PPP2R3A: variants seen among roughly 807,000 people sequenced by gnomAD.
The protein encoded by PPP2R3A is serine/threonine-protein phosphatase 2A regulatory subunit B'' subunit alpha.
PPP2R3A carries 80 observed loss-of-function variants against 106.9 expected under a neutral mutation model. The observed-to-expected ratio is 0.75, with a 90% CI of 0.62 to 0.90. The LOEUF is 0.90. PPP2R3A is among the 40% of genes least tolerant of loss of function. PPP2R3A has a pLI of 0.00. For synonymous variants in PPP2R3A, 483 were observed against 468.3 expected (o/e 1.03, Z -0.41); for missense variants, 1,386 against 1,350.4 (o/e 1.03, Z -0.41).
chr3:136,107,233 AT>A (rs142088132), intron 13 of PPP2R3A, among the ~76,000 whole-genome samples: 3,433 of 152,016 alleles, frequency 0.023, 134 homozygotes, highest in African/African-American at 0.078. Flanking sequence ...GCCTCAATTA[AT>A]CTTTCTCATT....
At chr3:136,057,653 G>A (rs1327263269) in intron 5 of PPP2R3A, among the ~76,000 whole-genome samples, 2 of 152,048 alleles carry the variant, frequency 1.3e-5, no homozygotes, top group East Asian at 3.8e-4. Context: ...AATCTGAATA[G>A]ACATTGCATA....
intron 6 of PPP2R3A, among the ~76,000 whole-genome samples, chr3:136,071,936 A>G (rs931792754): frequency 6.6e-6 from 1 of 152,036 alleles, no homozygotes; most frequent in Non-Finnish European, 1.5e-5. Flanking sequence ...TCATCCAGAT[A>G]TCTGCTCGGT....
chr3:136,104,998 C>T (rs991527158), intron 12 of PPP2R3A, among the ~76,000 whole-genome samples: 1 of 151,978 alleles, frequency 6.6e-6, no homozygotes, highest in Non-Finnish European at 1.5e-5. Context: ...CTACAAAGAA[C>T]ATTATTAGTC....
intron 2 of PPP2R3A, among the ~76,000 whole-genome samples, chr3:136,005,335 A>G (rs1576428012): frequency 6.6e-6 from 1 of 152,214 alleles, no homozygotes; most frequent in African/African-American, 2.4e-5. Context: ...ACTTCTAGTC[A>G]TGAGCATTTT....
At chr3:136,045,641 C>G (rs1297010286) in intron 4 of PPP2R3A, among the ~76,000 whole-genome samples, 1 of 152,096 alleles carries the variant, frequency 6.6e-6, no homozygotes, top group Non-Finnish European at 1.5e-5. Context: ...TATCTGCTGG[C>G]CAAAAAAACC....
intron 13 of PPP2R3A, among the ~76,000 whole-genome samples, chr3:136,132,232 T>A (rs1312913886): frequency 6.6e-6 from 1 of 152,038 alleles, no homozygotes; most frequent in Non-Finnish European, 1.5e-5. Flanking sequence ...CCTCACTGTT[T>A]CTACTCAACA....
intron 13 of PPP2R3A, among the ~76,000 whole-genome samples, chr3:136,111,902 G>A (rs1427146624): frequency 6.6e-6 from 1 of 152,038 alleles, no homozygotes; most frequent in Non-Finnish European, 1.5e-5. Context: ...CAACAAAATA[G>A]TAGCAAATTA....
intron 1 of PPP2R3A, among the ~76,000 whole-genome samples, chr3:135,993,333 G>A (rs569637229): frequency 1.9e-4 from 29 of 152,124 alleles, no homozygotes; most frequent in African/African-American, 6.3e-4. Flanking sequence ...TAGTCAGCAG[G>A]GAAATGCAAA....
chr3:136,016,145 T>A (rs1934259828), intron 2 of PPP2R3A, among the ~76,000 whole-genome samples: 1 of 152,082 alleles, frequency 6.6e-6, no homozygotes, highest in Non-Finnish European at 1.5e-5. Flanking sequence ...CCTTTTGGAG[T>A]CGATTTCCAA....
chr3:135,979,545 A>G lies in PPP2R3A; in HGVS notation c.-441+13696A>G, dbSNP rs552592016. ...GTGTGGGAACACGATGTGTCATATG[A>G]TGGGTCCCTTTAACTGAAGTACACA... On this transcript the variant is annotated intron_variant, in intron 1 of 13. Coordinates refer to ENST00000264977, the MANE Select transcript of PPP2R3A (RefSeq NM_002718.5). 3.3e-5 allele frequency among the ~76,000 whole-genome samples: 5 copies of G among 151,910 alleles called. No individual in the cohort carries two copies. In the South Asian group the frequency reaches 8.3e-4, roughly 25 times the overall value.
chr3:135,966,404 G>C (rs1027934956), intron 1 of PPP2R3A, among the ~76,000 whole-genome samples: 10 of 152,148 alleles, frequency 6.6e-5, no homozygotes, highest in Non-Finnish European at 1.2e-4. Context: ...GCCAGGAGCC[G>C]GGGTACCTGA....
At chr3:136,009,440 A>G (rs895075834) in intron 2 of PPP2R3A, among the ~76,000 whole-genome samples, 4 of 152,076 alleles carry the variant, frequency 2.6e-5, no homozygotes, top group East Asian at 1.9e-4. Context: ...ACACTTTTCA[A>G]TATTACTCTT....
At chr3:136,117,336 G>C (rs1937805544) in intron 13 of PPP2R3A, among the ~76,000 whole-genome samples, 1 of 152,070 alleles carries the variant, frequency 6.6e-6, no homozygotes, top group African/African-American at 2.4e-5. Context: ...AACTAGAGAA[G>C]CAAGAGCAAA....
chr3:136,026,691 C>A, intron 2 of PPP2R3A, 141 bp from the exon 3 acceptor site: 1 of 656,904 alleles, frequency 1.5e-6, no homozygotes, highest in Non-Finnish European at 2.4e-6. Flanking sequence ...TCCCTAGAAA[C>A]ATGCTTACCA....
At chr3:136,049,160 G>A (rs182069875) in intron 4 of PPP2R3A, 99 bp from the exon 5 acceptor site, 2 of 802,820 alleles carry the variant, frequency 2.5e-6, no homozygotes, top group Non-Finnish European at 4.1e-6. Flanking sequence ...TTGTTGATCT[G>A]AGTGGCCTTC....
chr3:136,136,045 C>CAAAAAAAAAAAAAAAAAAAAA (rs34558229), intron 13 of PPP2R3A, among the ~76,000 whole-genome samples: 1 of 22,364 alleles, frequency 4.5e-5, no homozygotes, highest in Admixed American at 7.3e-4. Context: ...GACTCCGTCT[C>CAAAAAAAAAAAAAAAAAAAAA]AAAAAAAAAA....
At chr3:136,004,648 T>A (rs2107793353) in intron 2 of PPP2R3A, among the ~76,000 whole-genome samples, 1 of 152,288 alleles carries the variant, frequency 6.6e-6, no homozygotes, top group East Asian at 1.9e-4. Flanking sequence ...AAAATAAGGA[T>A]ATGAATCATT....
chr3:135,966,102 A>G (rs1409808257), intron 1 of PPP2R3A, among the ~76,000 whole-genome samples: 2 of 151,410 alleles, frequency 1.3e-5, no homozygotes, highest in African/African-American at 2.4e-5. Context: ...GGCACCAGGG[A>G]GGTGTGGAAA....
chr3:136,098,746 C>G (rs148277800), intron 10 of PPP2R3A, among the ~76,000 whole-genome samples: 187 of 152,210 alleles, frequency 1.2e-3, no homozygotes, highest in African/African-American at 4.2e-3. Flanking sequence ...AGGGAAAAAC[C>G]AAGAAGCAAC....
Sources: allele counts gnomAD v4.1 joint callset (sites outside exome capture counted in the v4.1 genomes callset), GRCh38; gene constraint gnomAD v4.1.1; transcripts MANE v1.5; gene names NCBI Gene and HGNC (gene_info 2026-07-23, HGNC 2026-07-21).